Variants in FAM135B observed in about 807,000 individuals in gnomAD.
FAM135B encodes family with sequence similarity 135 member B.
Under a neutral mutation model 127.7 loss-of-function variants are expected in FAM135B, and 43 were observed. That is an observed-to-expected ratio of 0.34 (90% CI 0.26 to 0.43). The LOEUF is 0.43. Ranked by LOEUF, FAM135B falls within the 20% of genes least tolerant of loss-of-function variation. The pLI is 1.00. For synonymous variants in FAM135B, 670 were observed against 665.1 expected (o/e 1.01, Z -0.11); for missense variants, 1,558 against 1,725.6 (o/e 0.90, Z 1.72).
At position 138,168,049 on chromosome 8, in the gene FAM135B, C is replaced by T. The variant is rs775321799; in HGVS notation, c.1104G>A (p.Leu368=). The T allele has an allele frequency of 6.2e-7, 1 of 1,610,684 alleles. No homozygotes were observed. The highest frequency in any genetic ancestry group is 1.1e-5 in the South Asian group (1 of 90,448). Residue 368 remains leucine, a splice_region_variant and synonymous_variant, in exon 12 of 20, where the codon CTG becomes CTA. Transcript: ENST00000395297. ...GGGACAGCTGGCTGTGCGTCTGTATCCTGGGGAGCACATGGCAGGGTGAGC... is the reference window on the plus strand; with the variant it reads ...GGGACAGCTGGCTGTGCGTCTGTATTCTGGGGAGCACATGGCAGGGTGAGC... ...KLAVLTFQEN[L]IQTHSQLSLD...
At chr8:138,208,437 C>T (rs1259394861) in intron 7 of FAM135B, among the ~76,000 whole-genome samples, 2 of 152,076 alleles carry the variant, frequency 1.3e-5, no homozygotes, top group East Asian at 3.8e-4. Context: ...TTTCTTATTC[C>T]TAAATATTGT....
chr8:138,161,461 C>T lies in FAM135B; in HGVS notation c.1258+6434G>A, dbSNP rs541448853. Among the ~76,000 whole-genome samples the T allele has an allele frequency of 3.9e-5, 6 of 152,112 alleles. No individual in the cohort carries two copies. In the South Asian group the frequency reaches 1.0e-3, roughly 26 times the overall value. ...TGTATCATGGCTGTCATGAAATAGT[C>T]GTGTGACATATTATTCAATTTACAT... On this transcript the variant is annotated intron_variant, in intron 12 of 19. Coordinates refer to ENST00000395297, the MANE Select transcript of FAM135B (RefSeq NM_015912.4).
At chr8:138,445,976 G>C (rs1488808406) in intron 1 of FAM135B, among the ~76,000 whole-genome samples, 1 of 152,118 alleles carries the variant, frequency 6.6e-6, no homozygotes, top group East Asian at 1.9e-4. Context: ...CAAAATCAAT[G>C]TGCAAAAATC....
chr8:138,273,405 C>T (rs1823542277), intron 3 of FAM135B, among the ~76,000 whole-genome samples: 1 of 152,172 alleles, frequency 6.6e-6, no homozygotes, highest in Non-Finnish European at 1.5e-5. Context: ...GGTGTTTCAC[C>T]ATGTTAGTCA....
At chr8:138,167,521 C>T (rs1820044878) in intron 12 of FAM135B, among the ~76,000 whole-genome samples, 1 of 152,108 alleles carries the variant, frequency 6.6e-6, no homozygotes, top group African/African-American at 2.4e-5. Flanking sequence ...TTAAAGTTCA[C>T]CTGGAAATCA....
chr8:138,292,853 C>A (rs1166237207), intron 3 of FAM135B, among the ~76,000 whole-genome samples: 1 of 151,956 alleles, frequency 6.6e-6, no homozygotes, highest in Non-Finnish European at 1.5e-5. Context: ...AGATTCAATG[C>A]AATTCCTATC....
Position 138,141,170 on chromosome 8 carries a change from G to T in FAM135B, c.3790+28C>A, listed in dbSNP as rs200377824. The T allele has an allele frequency of 6.2e-7, 1 of 1,611,684 alleles. No homozygotes were observed. Among genetic ancestry groups the T allele is most frequent in the South Asian group, 1.1e-5 (1 of 90,798 alleles). ...CCCAGAGGCCCCAGATTAATTCTGA[G>T]GAATGACGAGTCCTAGAAGAATCTT... On this transcript the variant is annotated intron_variant, in intron 17 of 19. Transcript: ENST00000395297. The surrounding 1 kb of genome is among the most constrained non-coding windows in gnomAD (Gnocchi z 4.7).
At chr8:138,170,675 C>T (rs1309097091) in intron 11 of FAM135B, among the ~76,000 whole-genome samples, 1 of 152,158 alleles carries the variant, frequency 6.6e-6, no homozygotes, top group South Asian at 2.1e-4. Flanking sequence ...CATTCTTAAA[C>T]ACTGCATGGA....
chr8:138,148,458 C>T (rs1817837579), intron 14 of FAM135B, 62 bp downstream of exon 14: 1 of 1,343,972 alleles, frequency 7.4e-7, no homozygotes, highest in Admixed American at 2.0e-5. Context: ...TAAATTAATA[C>T]ATAAATATTA....
At chr8:138,233,872 G>T (rs1820079497) in intron 7 of FAM135B, among the ~76,000 whole-genome samples, 1 of 152,008 alleles carries the variant, frequency 6.6e-6, no homozygotes, top group Admixed American at 6.6e-5. Context: ...ATTGGCAAAG[G>T]ACTTGAATAG....
intron 2 of FAM135B, among the ~76,000 whole-genome samples, chr8:138,332,730 AC>A (rs1285181441): frequency 6.6e-6 from 1 of 152,120 alleles, no homozygotes; most frequent in African/African-American, 2.4e-5. Flanking sequence ...TTAGGGGCCT[AC>A]GCAACTCTAA....
At chr8:138,278,602 C>T (rs936104230) in intron 3 of FAM135B, among the ~76,000 whole-genome samples, 5 of 129,632 alleles carry the variant, frequency 3.9e-5, no homozygotes, top group Admixed American at 8.8e-5. Context: ...CTTGCTCTGT[C>T]GCCCAGGCTG....
At chr8:138,306,863 T>A (rs1826301587) in intron 3 of FAM135B, among the ~76,000 whole-genome samples, 1 of 152,118 alleles carries the variant, frequency 6.6e-6, no homozygotes, top group Non-Finnish European at 1.5e-5. Flanking sequence ...GGATTACAGG[T>A]GTGAGCCACC....
intron 4 of FAM135B, among the ~76,000 whole-genome samples, chr8:138,263,382 G>A (rs1822686978): frequency 6.6e-6 from 1 of 152,094 alleles, no homozygotes; most frequent in Non-Finnish European, 1.5e-5. Context: ...GTCACTTGCA[G>A]AAGCTCTCAT....
At chr8:138,250,120 A>C (rs1821585849) in intron 6 of FAM135B, among the ~76,000 whole-genome samples, 1 of 152,176 alleles carries the variant, frequency 6.6e-6, no homozygotes, top group Non-Finnish European at 1.5e-5. Context: ...TGAGAAGCCA[A>C]GGAGGGTGGA....
chr8:138,352,451 T>C (rs1490091642), intron 2 of FAM135B, among the ~76,000 whole-genome samples: 1 of 152,148 alleles, frequency 6.6e-6, no homozygotes, highest in African/African-American at 2.4e-5. Context: ...CCATGCACAG[T>C]CTTATGACTA....
chr8:138,250,048 G>A (rs570336372), intron 6 of FAM135B, among the ~76,000 whole-genome samples: 1 of 152,090 alleles, frequency 6.6e-6, no homozygotes, highest in African/African-American at 2.4e-5. Context: ...TTCACTGAAG[G>A]GAAGAATCAA....
chr8:138,311,314 C>T (rs1826667692), intron 2 of FAM135B, among the ~76,000 whole-genome samples: 1 of 152,222 alleles, frequency 6.6e-6, no homozygotes, highest in South Asian at 2.1e-4. Flanking sequence ...GAGTTTCTAT[C>T]ATATTGCAAC....
At chr8:138,281,740 T>C (rs1174147630) in intron 3 of FAM135B, among the ~76,000 whole-genome samples, 2 of 152,146 alleles carry the variant, frequency 1.3e-5, no homozygotes, top group African/African-American at 2.4e-5. Flanking sequence ...TCTATCCCCA[T>C]TAGGGTGGTT....
Sources: allele counts gnomAD v4.1 joint callset (sites outside exome capture counted in the v4.1 genomes callset), GRCh38; gene constraint gnomAD v4.1.1; non-coding constraint Gnocchi (gnomAD v3.1); transcripts MANE v1.5; gene names NCBI Gene and HGNC (gene_info 2026-07-23, HGNC 2026-07-21).